MATN2: variants seen among roughly 807,000 people sequenced by gnomAD.
The protein encoded by MATN2 is matrilin 2.
In MATN2, 69 loss-of-function variants were observed where a neutral mutation model predicts 103.2. That is an observed-to-expected ratio of 0.67 (90% CI 0.55 to 0.82). The LOEUF (loss-of-function observed/expected upper bound fraction) is 0.82. MATN2 is among the 40% of genes least tolerant of loss of function. The probability of loss-of-function intolerance (pLI) is 0.00; values close to 1 mark genes in which losing one functional copy is unlikely to be tolerated. For missense variants in MATN2, 1,023 were observed against 1,211.5 expected (o/e 0.84, Z 2.31); for synonymous variants, 429 against 450.2 (o/e 0.95, Z 0.60).
intron 12 of MATN2, among the ~76,000 whole-genome samples, chr8:98,018,815 A>C (rs1212790840): frequency 6.6e-6 from 1 of 152,052 alleles, no homozygotes; most frequent in African/African-American, 2.4e-5. Context: ...AACACGTGGG[A>C]ATTGTGGGAA....
In MATN2 at chr8:98,003,719, G is replaced by A; in HGVS notation, c.1263G>A (p.Glu421=). ...PGCEHECVNM[E]ESYYCRCHRG... is the part of the protein sequence containing the mutation. ...GTGAGCATGAGTGCGTCAACATGGA[G>A]GAGAGCTACTACTGCCGCTGCCACC... The change falls in exon 8 of 19, where the codon GAG becomes GAA. Residue 421 remains glutamate (E), a synonymous_variant. Coordinates refer to ENST00000254898, the MANE Select transcript of MATN2 (RefSeq NM_002380.5). The A allele has an allele frequency of 1.9e-6, 3 of 1,613,960 alleles. No individual in the cohort carries two copies. The highest frequency in any genetic ancestry group is 2.2e-5 in the South Asian group (2 of 91,080).
At chr8:97,946,258 G>A (rs552570626) in intron 4 of MATN2, among the ~76,000 whole-genome samples, 5 of 152,220 alleles carry the variant, frequency 3.3e-5, no homozygotes, top group East Asian at 1.9e-4. Flanking sequence ...TAGATCAAAT[G>A]CATTAAAGAA....
In MATN2 at chr8:98,033,618, A is replaced by C; in HGVS notation, c.2774A>C (p.Gln925Pro). The C allele has an allele frequency of 6.2e-7, 1 of 1,608,204 alleles. No homozygotes were observed. The highest frequency in any genetic ancestry group is 2.2e-5 in the East Asian group (1 of 44,828). Residue 925 changes from glutamine to proline, a missense_variant, in exon 18 of 19, where the codon CAG becomes CCG. Transcript: ENST00000254898. ...QCKCENLIMF[Q>P]NLANEEVRKL... ...AAATGTGAAAACCTTATAATGTTCC[A>C]GAACCTTGCAAACGAAGAAGTAAGA...
chr8:98,007,613 A>C lies in MATN2; in HGVS notation c.1573+12A>C. ...GAAGACGTGTGCAAGTAAGTGTCTG[A>C]AGGACAAGCAGGACCTGCACAGGTG... is the stretch of plus-strand genomic sequence containing the variant. On this transcript the variant is annotated intron_variant, in intron 10 of 18. Coordinates refer to ENST00000254898, the MANE Select transcript of MATN2 (RefSeq NM_002380.5). The surrounding 1 kb of genome is among the most constrained non-coding windows in gnomAD (Gnocchi z 4.2). The C allele has an allele frequency of 6.2e-7, 1 of 1,604,560 alleles. No individual in the cohort carries two copies. The highest frequency in any genetic ancestry group is 8.5e-7 in the Non-Finnish European group (1 of 1,172,328).
chr8:97,886,207 C>T (rs1461414715), intron 1 of MATN2, among the ~76,000 whole-genome samples: 4 of 152,160 alleles, frequency 2.6e-5, no homozygotes, highest in Admixed American at 2.0e-4. Flanking sequence ...GGAAAACAAG[C>T]TCAGGGCTCC....
At chr8:98,001,653 T>C (rs1812790937) in intron 7 of MATN2, among the ~76,000 whole-genome samples, 1 of 151,902 alleles carries the variant, frequency 6.6e-6, no homozygotes, top group Admixed American at 6.6e-5. Context: ...TGTTTGTTTG[T>C]TTTTAGTAGA....
rs369439176 is a variant in MATN2 at position 97,883,861 on chromosome 8, T to C, written c.-26-4214T>C. 1.6e-4 allele frequency among the ~76,000 whole-genome samples: 24 copies of C among 152,244 alleles called. No individual in the cohort carries two copies. In the East Asian group the frequency reaches 3.5e-3, roughly 22 times the overall value. On this transcript the variant is annotated intron_variant, in intron 1 of 18. Transcript: ENST00000254898. The stretch of plus-strand genomic sequence containing the variant: ...GAGCCACTGTGCCTGGCCTAATTTT[T>C]GTATTTTTTATAGAGACAGGGTTTT...
chr8:97,917,575 G>T (rs1809673975), intron 2 of MATN2, among the ~76,000 whole-genome samples: 1 of 152,116 alleles, frequency 6.6e-6, no homozygotes, highest in Admixed American at 6.6e-5. Flanking sequence ...GCTCTGGCAG[G>T]ACAGGGAGCC....
At chr8:98,019,320 TG>T (rs1813494805) in intron 12 of MATN2, among the ~76,000 whole-genome samples, 1 of 152,134 alleles carries the variant, frequency 6.6e-6, no homozygotes, top group Non-Finnish European at 1.5e-5. Context: ...GTTCTAAATC[TG>T]TAGGGCAGCC....
chr8:97,912,511 C>T (rs1226921957), intron 2 of MATN2, among the ~76,000 whole-genome samples: 4 of 152,146 alleles, frequency 2.6e-5, no homozygotes, highest in East Asian at 3.8e-4. Context: ...TAGGGAGTTA[C>T]GACTTCTGCC....
At chr8:97,895,733 T>C (rs1161674632) in intron 2 of MATN2, among the ~76,000 whole-genome samples, 1 of 152,240 alleles carries the variant, frequency 6.6e-6, no homozygotes, top group African/African-American at 2.4e-5. Context: ...GAGCCCCTGC[T>C]GTGGGTTGGG....
At chr8:97,879,554 G>GGAACTGTC (rs1178300774) in intron 1 of MATN2, among the ~76,000 whole-genome samples, 1 of 152,198 alleles carries the variant, frequency 6.6e-6, no homozygotes, top group Non-Finnish European at 1.5e-5. Context: ...TGCAGCAGTG[G>GGAACTGTC]GAACTGTCAG....
chr8:97,898,042 C>T (rs963634144), intron 2 of MATN2, among the ~76,000 whole-genome samples: 34 of 152,044 alleles, frequency 2.2e-4, no homozygotes, highest in Non-Finnish European at 4.0e-4. Context: ...CTTCCTTGAT[C>T]TTTCCCTCTC....
chr8:97,958,817 G>A (rs1001445786), intron 4 of MATN2, among the ~76,000 whole-genome samples: 1 of 152,094 alleles, frequency 6.6e-6, no homozygotes, highest in African/African-American at 2.4e-5. Flanking sequence ...CCCATTGCCC[G>A]CTGATTGGAG....
intron 13 of MATN2, among the ~76,000 whole-genome samples, chr8:98,027,143 A>T (rs931700407): frequency 6.6e-6 from 1 of 152,054 alleles, no homozygotes; most frequent in Non-Finnish European, 1.5e-5. Flanking sequence ...CCAGGGTACA[A>T]TGTAGACTTG....
chr8:97,999,810 G>A (rs1334084017), intron 7 of MATN2, among the ~76,000 whole-genome samples: 3 of 151,468 alleles, frequency 2.0e-5, no homozygotes. Context: ...CATACTCTGG[G>A]CATGAAGCAA....
intron 1 of MATN2, among the ~76,000 whole-genome samples, chr8:97,871,003 C>A (rs141908734): frequency 3.3e-5 from 5 of 152,182 alleles, no homozygotes; most frequent in African/African-American, 1.2e-4. Flanking sequence ...TAAATCGGGG[C>A]TCTGGGGTTT....
At chr8:98,004,767 G>C (rs115490245) in intron 8 of MATN2, among the ~76,000 whole-genome samples, 2 of 152,228 alleles carry the variant, frequency 1.3e-5, no homozygotes, top group Admixed American at 1.3e-4. Flanking sequence ...GAGAAGGCTT[G>C]TCTTAATTTT....
chr8:97,992,177 A>T (rs1001683337), intron 6 of MATN2, among the ~76,000 whole-genome samples: 1 of 152,196 alleles, frequency 6.6e-6, no homozygotes, highest in African/African-American at 2.4e-5. Flanking sequence ...AAGGGAAAGG[A>T]CCAGAATGTA....
Sources: gnomAD v4.1 joint callset for allele counts (sites outside exome capture counted in the v4.1 genomes callset) on GRCh38, gnomAD v4.1.1 for gene constraint, Gnocchi (gnomAD v3.1) non-coding constraint, MANE v1.5 for transcripts, NCBI Gene and HGNC (gene_info 2026-07-23, HGNC 2026-07-21) for gene names.